Variants in PARVB observed in about 807,000 individuals in gnomAD.
PARVB encodes the protein beta-parvin.
A neutral mutation model predicts 47.0 loss-of-function variants in PARVB; 46 were observed. That is an observed-to-expected ratio of 0.98 (90% CI 0.77 to 1.25). The LOEUF (loss-of-function observed/expected upper bound fraction) is 1.25, where lower values mean the gene tolerates loss of function less well. PARVB is among the 50% of genes most tolerant of loss of function. PARVB has a pLI of 0.00. For missense variants in PARVB, 473 were observed against 471.6 expected, an observed-to-expected ratio of 1.00 and a Z score of -0.03; for synonymous variants, 196 against 196.3, an observed-to-expected ratio of 1.00 and a Z score of 0.01.
intron 9 of PARVB, 56 bp from the exon 10 acceptor site, chr22:44,151,427 G>C (rs1241769410): frequency 3.7e-6 from 5 of 1,345,710 alleles, no homozygotes; most frequent in African/African-American, 1.4e-5. Context: ...TGCCCCTCCA[G>C]ATGGGACCTG....
At chr22:44,091,940 G>A (rs2052177745) in intron 1 of PARVB, among the ~76,000 whole-genome samples, 1 of 152,144 alleles carries the variant, frequency 6.6e-6, no homozygotes, top group African/African-American at 2.4e-5. Flanking sequence ...ATGAGGGAGG[G>A]AGGTTGTGTT....
At chr22:44,165,453 G>A (rs1024160142) in intron 12 of PARVB, among the ~76,000 whole-genome samples, 1 of 152,164 alleles carries the variant, frequency 6.6e-6, no homozygotes, top group Non-Finnish European at 1.5e-5. Context: ...ATACCGGCCC[G>A]GCCTGGGTCT....
chr22:44,064,859 A>G (rs879014811), intron 1 of PARVB, among the ~76,000 whole-genome samples: 1 of 152,188 alleles, frequency 6.6e-6, no homozygotes, highest in Admixed American at 6.5e-5. Context: ...GTCTAACAGC[A>G]ACAACAGCAG....
chr22:44,069,072 C>A, intron 1 of PARVB: 1 of 1,597,672 alleles, frequency 6.3e-7, no homozygotes, highest in African/African-American at 1.3e-5. Context: ...TGCCACGTCC[C>A]TATATGAACG....
intron 9 of PARVB, chr22:44,148,261 A>G: frequency 2.7e-6 from 1 of 368,202 alleles, no homozygotes; most frequent in South Asian, 2.2e-5. Flanking sequence ...CTCATTTACC[A>G]TCTACAGCCT....
At chr22:44,046,819 G>T (rs1010040674) in intron 1 of PARVB, among the ~76,000 whole-genome samples, 1 of 152,222 alleles carries the variant, frequency 6.6e-6, no homozygotes, top group Non-Finnish European at 1.5e-5. Flanking sequence ...TGGGAACTTG[G>T]AGACTGAGGC....
At chr22:44,031,096 C>A (rs1418612514) in intron 1 of PARVB, among the ~76,000 whole-genome samples, 1 of 152,182 alleles carries the variant, frequency 6.6e-6, no homozygotes, top group Non-Finnish European at 1.5e-5. Flanking sequence ...ACACTGTTAT[C>A]TCTAAACCCA....
At chr22:43,999,661 G>A in exon 2 of PARVB, 1 of 1,612,836 alleles carries the variant, frequency 6.2e-7, no homozygotes, top group Non-Finnish European at 8.5e-7. Flanking sequence ...ATCTGAATAT[G>A]CTCAAGGAGG....
chr22:44,002,568 G>C (rs1273156289), intron 2 of PARVB, among the ~76,000 whole-genome samples: 1 of 152,178 alleles, frequency 6.6e-6, no homozygotes, highest in Non-Finnish European at 1.5e-5. Context: ...GCTCCGTGGG[G>C]TGGGTAAGAA....
At chr22:44,069,214 G>A in intron 1 of PARVB, 4 of 1,516,722 alleles carry the variant, frequency 2.6e-6, no homozygotes, top group Non-Finnish European at 3.7e-6. Flanking sequence ...ACCCAGGCCA[G>A]CCCTTCTTTT....
intron 2 of PARVB, among the ~76,000 whole-genome samples, chr22:44,005,275 AT>A (rs10711277): frequency 0.7 from 93,306 of 132,852 alleles, 32,290 homozygotes; most frequent in East Asian, 0.83. Context: ...AATTTTTTCT[AT>A]TTTTTTTTTT....
At chr22:44,056,858 G>A (rs2051321050) in intron 1 of PARVB, among the ~76,000 whole-genome samples, 1 of 151,108 alleles carries the variant, frequency 6.6e-6, no homozygotes, top group South Asian at 2.1e-4. Flanking sequence ...GGTGGTGAGG[G>A]TGACTGTATA....
rs3083346 is a variant in PARVB at position 44,055,678 on chromosome 22, C to CTATATATA, written c.112+31235_112+31242dup. On this transcript the variant is annotated intron_variant, in intron 1 of 12. Transcript: ENST00000338758. ...TCCATCTCTCTCTCTCTCTCTCTCT[C>CTATATATA]TATATATATATATATTTGAAGAGAT... Among the ~76,000 whole-genome samples, 354 of 142,738 alleles carry CTATATATA rather than the reference C, an allele frequency of 2.5e-3. 1 individual carries two copies. The highest frequency in any genetic ancestry group is 2.8e-3 in the Non-Finnish European group (181 of 65,134). 93.6% of individuals were successfully genotyped at this position (142,738 alleles called of 152,430 possible). A position where few individuals can be genotyped will look rare whatever the true frequency, so the allele number is the denominator to read the frequency against.
chr22:44,136,361 TAAGATGA>T, intron 6 of PARVB, 92 bp from the exon 7 acceptor site: 1 of 1,056,088 alleles, frequency 9.5e-7, no homozygotes, highest in Non-Finnish European at 1.5e-6. Flanking sequence ...TGCTCTTTTC[TAAGATGA>T]TCTCCGGCCC....
intron 1 of PARVB, among the ~76,000 whole-genome samples, chr22:44,035,118 G>A (rs1248708597): frequency 6.6e-6 from 1 of 152,104 alleles, no homozygotes; most frequent in African/African-American, 2.4e-5. Context: ...TATGTTCTAT[G>A]CATTATGTGC....
intron 1 of PARVB, among the ~76,000 whole-genome samples, chr22:44,076,901 G>A (rs997616714): frequency 1.2e-4 from 18 of 152,234 alleles, no homozygotes; most frequent in South Asian, 4.2e-4. Flanking sequence ...TGAGGTGTGC[G>A]CCGGAATGTT....
chr22:44,168,622 A>T lies in PARVB; in HGVS notation c.1039A>T (p.Lys347Ter). 6.2e-7 allele frequency: 1 copy of T among 1,613,178 alleles called. No individual in the cohort carries two copies. The highest frequency in any genetic ancestry group is 2.2e-5 in the East Asian group (1 of 44,876). Residue 347 changes from lysine (K) to a stop codon, truncating the protein, a stop_gained, in exon 13 of 13, where the codon AAA becomes TAA. Coordinates refer to ENST00000338758, the MANE Select transcript of PARVB (RefSeq NM_013327.5). LOFTEE classifies it high-confidence loss of function. ...TGCAGACGTGGTTAACTTGGACCTC[A>T]AATCCACCCTGAGGGTTCTTTACAA... ...RPEDVVNLDL[K>*]STLRVLYNLF... is the part of the protein sequence containing the mutation.
At chr22:44,132,537 G>A (rs1273828274) in intron 5 of PARVB, among the ~76,000 whole-genome samples, 5 of 152,122 alleles carry the variant, frequency 3.3e-5, no homozygotes, top group Non-Finnish European at 5.9e-5. Flanking sequence ...AGATAATAAC[G>A]CACATCCTTG....
chr22:44,012,263 G>A (rs949029519), intron 2 of PARVB, among the ~76,000 whole-genome samples: 1 of 152,200 alleles, frequency 6.6e-6, no homozygotes, highest in Non-Finnish European at 1.5e-5. Flanking sequence ...AAGAGAACTC[G>A]GAGGAATTGC....
Sources: gnomAD v4.1 joint callset for allele counts (sites outside exome capture counted in the v4.1 genomes callset) on GRCh38, gnomAD v4.1.1 for gene constraint, MANE v1.5 for transcripts, NCBI Gene and HGNC (gene_info 2026-07-23, HGNC 2026-07-21) for gene names.